CNOT10: variants seen among roughly 807,000 people sequenced by gnomAD.
The protein encoded by CNOT10 is CCR4-NOT transcription complex, subunit 10.
Under a neutral mutation model 94.6 loss-of-function variants are expected in CNOT10, and 30 were observed. That is an observed-to-expected ratio of 0.32 (90% CI 0.24 to 0.43). CNOT10 has a LOEUF of 0.43. CNOT10 is among the 20% of genes least tolerant of loss of function. CNOT10 has a pLI of 1.00. For synonymous variants in CNOT10, 289 were observed against 301.6 expected (o/e 0.96, Z 0.43); for missense variants, 759 against 877.2 (o/e 0.87, Z 1.70).
At chr3:32,711,729 A>T (rs1697897632) in intron 4 of CNOT10, among the ~76,000 whole-genome samples, 1 of 152,214 alleles carries the variant, frequency 6.6e-6, no homozygotes, top group African/African-American at 2.4e-5. Flanking sequence ...AGAAGACTTG[A>T]GGTGAGAGGC....
chr3:32,725,641 G>C (rs768650184), intron 9 of CNOT10, 42 bp downstream of exon 9: 3 of 1,537,600 alleles, frequency 2.0e-6, no homozygotes, highest in Non-Finnish European at 2.6e-6. Context: ...TACTACTTCA[G>C]AAAAGCATGA....
intron 4 of CNOT10, among the ~76,000 whole-genome samples, chr3:32,709,211 G>T (rs893096783): frequency 1.3e-5 from 2 of 152,136 alleles, no homozygotes; most frequent in African/African-American, 4.8e-5. Context: ...ATTTTTGGTG[G>T]TAATTATGGA....
At position 32,708,683 on chromosome 3, in the gene CNOT10, T is replaced by C; in HGVS notation, c.293T>C (p.Val98Ala). ...ATTGCTTTATAGGTCCACTCAGCTG[T>C]TGAAGAAATGGATGGATTAGATGAT... ...NQLKNQVHSAVEEMDGLDDVE... is the reference protein window; with the variant it reads ...NQLKNQVHSAAEEMDGLDDVE... The change falls in exon 4 of 19, where the codon GTT becomes GCT. Residue 98 changes from valine to alanine, a missense_variant. This residue lies in a region of CNOT10 where 682 missense variants were observed against 799.4 expected (regional missense o/e 0.85). Coordinates refer to ENST00000328834, the MANE Select transcript of CNOT10 (RefSeq NM_015442.3). 2 of 1,611,594 alleles carry C rather than the reference T, an allele frequency of 1.2e-6. No homozygotes were observed. Among genetic ancestry groups the C allele is most frequent in the Non-Finnish European group, 1.7e-6 (2 of 1,179,366 alleles).
intron 10 of CNOT10, among the ~76,000 whole-genome samples, chr3:32,731,315 A>T (rs1432322729): frequency 6.6e-6 from 1 of 152,228 alleles, no homozygotes. Context: ...AAGTAACAGT[A>T]CAGAAACATT....
chr3:32,733,329 T>G, intron 10 of CNOT10, 94 bp from the exon 11 acceptor site: 3 of 1,019,374 alleles, frequency 2.9e-6, no homozygotes, highest in Non-Finnish European at 4.2e-6. Flanking sequence ...AGAACTTTCT[T>G]AAATTTAGAG....
At chr3:32,701,000 G>A (rs559989257) in intron 1 of CNOT10, among the ~76,000 whole-genome samples, 8 of 152,160 alleles carry the variant, frequency 5.3e-5, no homozygotes, top group African/African-American at 7.2e-5. Context: ...TAAGCCAAGC[G>A]CAGTGGCTCA....
At chr3:32,716,796 G>C (rs1430125511) in intron 6 of CNOT10, among the ~76,000 whole-genome samples, 1 of 151,960 alleles carries the variant, frequency 6.6e-6, no homozygotes, top group Non-Finnish European at 1.5e-5. Context: ...TTACTAGTGC[G>C]CATCACCACA....
chr3:32,702,051 G>T (rs1248322696), intron 1 of CNOT10, among the ~76,000 whole-genome samples: 1 of 150,504 alleles, frequency 6.6e-6, no homozygotes, highest in Non-Finnish European at 1.5e-5. Context: ...ACCCGCCTTG[G>T]CCTCCCAAAA....
Position 32,773,544 on chromosome 3 carries a change from T to C in CNOT10, c.2168T>C (p.Val723Ala). The part of the protein sequence containing the change: ...KTHSEVRKKP[V>A]FQPVHPIQPI... Reference sequence around the variant, plus strand: ...CACTCTGAAGTGAGAAAGAAGCCAGTGTTTCAGCCTGTCCACCCGATCCAG... The same window carrying C: ...CACTCTGAAGTGAGAAAGAAGCCAGCGTTTCAGCCTGTCCACCCGATCCAG... The change falls in exon 19 of 19, where the codon GTG (valine) becomes GCG (alanine). Residue 723 changes from valine (V) to alanine (A), a missense_variant. This residue lies in a region of CNOT10 where 73 missense variants were observed against 61.0 expected (regional missense o/e 1.20). Transcript: ENST00000328834. 1 of 1,614,196 alleles carries C rather than the reference T, an allele frequency of 6.2e-7. No homozygotes were observed. The highest frequency in any genetic ancestry group is 8.5e-7 in the Non-Finnish European group (1 of 1,180,034).
At chr3:32,718,542 C>T (rs978904396) in intron 7 of CNOT10, among the ~76,000 whole-genome samples, 1 of 141,982 alleles carries the variant, frequency 7.0e-6, no homozygotes, top group African/African-American at 2.6e-5. Context: ...CGAGACCGCG[C>T]CACTGCACTC....
chr3:32,770,013 T>C, intron 18 of CNOT10, 51 bp downstream of exon 18: 1 of 1,483,724 alleles, frequency 6.7e-7, no homozygotes, highest in East Asian at 2.3e-5. Flanking sequence ...AGCCTGAGAT[T>C]TTTTGGTTGG....
intron 4 of CNOT10, among the ~76,000 whole-genome samples, chr3:32,711,669 T>G (rs1697895249): frequency 6.6e-6 from 1 of 152,184 alleles, no homozygotes; most frequent in African/African-American, 2.4e-5. Context: ...GACATTATCC[T>G]TGCTACTGTT....
At position 32,696,672 on chromosome 3, in the gene CNOT10, C is replaced by T. The variant is rs1697085024; in HGVS notation, c.23-7196C>T. On this transcript the variant is annotated intron_variant, in intron 1 of 18. Coordinates refer to ENST00000328834, the MANE Select transcript of CNOT10 (RefSeq NM_015442.3). ...GGAGTGCAGTGGCACAATCTCAGCT[C>T]ACTGCAGCCTCCACTTCCTGGGTTC... is the stretch of plus-strand genomic sequence containing the variant. Among the ~76,000 whole-genome samples, 5 of 152,194 alleles carry T rather than the reference C, an allele frequency of 3.3e-5. No homozygotes were observed. In the South Asian group the frequency reaches 6.2e-4, roughly 19 times the overall value.
At position 32,762,839 on chromosome 3, in the gene CNOT10, A is replaced by G. The variant is rs1402051161; in HGVS notation, c.1816A>G (p.Ile606Val). ...GAATGTCACTGATGTCTCCTTAGGG[A>G]TCTCTTCAAATGAGCAGGACCAAGG... Reference protein sequence around the residue: ...PENVTDVSLGISSNEQDQGSD... With the variant: ...PENVTDVSLGVSSNEQDQGSD... Residue 606 changes from isoleucine (I) to valine (V), a missense_variant, in exon 15 of 19, where the codon ATC becomes GTC. Coordinates refer to ENST00000328834, the MANE Select transcript of CNOT10 (RefSeq NM_015442.3). 3.8e-6 allele frequency: 6 copies of G among 1,567,524 alleles called. No individual in the cohort carries two copies. The highest frequency in any genetic ancestry group is 2.4e-5 in the East Asian group (1 of 41,944).
intron 14 of CNOT10, among the ~76,000 whole-genome samples, chr3:32,761,901 T>C (rs901700442): frequency 1.8e-4 from 28 of 151,452 alleles, no homozygotes; most frequent in African/African-American, 6.5e-4. Flanking sequence ...GCCTCCCAAG[T>C]AGCTGGGATT....
At chr3:32,696,455 T>G (rs1697074008) in intron 1 of CNOT10, among the ~76,000 whole-genome samples, 1 of 152,146 alleles carries the variant, frequency 6.6e-6, no homozygotes, top group South Asian at 2.1e-4. Flanking sequence ...AAAATTTTCA[T>G]CCTGAAGTTA....
rs200933395 is a variant in CNOT10, at chr3:32,720,203, T to A, written c.834T>A (p.Ile278=). 3.9e-6 allele frequency: 6 copies of A among 1,525,868 alleles called. No individual in the cohort carries two copies. Among genetic ancestry groups the A allele is most frequent in the Non-Finnish European group, 4.5e-6 (5 of 1,118,490 alleles). 94.5% of individuals were successfully genotyped at this position (1,525,868 alleles called of 1,614,324 possible). Reference sequence around the variant, plus strand: ...TGAAGCTATTAAATAGTTCAAACATTGCTGAGCATCCAGGATTCATGAAAA... The same window carrying A: ...TGAAGCTATTAAATAGTTCAAACATAGCTGAGCATCCAGGATTCATGAAAA... ...KAVKLLNSSN[I]AEHPGFMKTG... The change falls in exon 8 of 19, where the codon ATT becomes ATA. Residue 278 remains isoleucine (I), a synonymous_variant. Coordinates refer to ENST00000328834, the MANE Select transcript of CNOT10 (RefSeq NM_015442.3).
chr3:32,704,326 T>C (rs1479527108), intron 2 of CNOT10, among the ~76,000 whole-genome samples: 1 of 152,152 alleles, frequency 6.6e-6, no homozygotes, highest in East Asian at 1.9e-4. Context: ...TTCTTGAAGG[T>C]ACTTTAAAAT....
chr3:32,687,456 T>TTTTTTTTGTTG (rs1559471749), intron 1 of CNOT10, among the ~76,000 whole-genome samples: 5 of 96,494 alleles, frequency 5.2e-5, no homozygotes, highest in Non-Finnish European at 1.1e-4. Flanking sequence ...TTTTTTGTTT[T>TTTTTTTTGTTG]TTTTTTTTTT....
Sources: allele counts gnomAD v4.1 joint callset (sites outside exome capture counted in the v4.1 genomes callset), GRCh38; gene constraint gnomAD v4.1.1; regional missense constraint gnomAD v4.1.1; transcripts MANE v1.5; gene names NCBI Gene and HGNC (gene_info 2026-07-23, HGNC 2026-07-21).